Variants in PLPP1 observed in about 807,000 individuals in gnomAD.
The protein encoded by PLPP1 is phospholipid phosphatase 1.
PLPP1 carries 24 observed loss-of-function variants against 31.2 expected under a neutral mutation model. The observed-to-expected ratio is 0.77, with a 90% CI of 0.56 to 1.08. The LOEUF (loss-of-function observed/expected upper bound fraction) is 1.08, where lower values mean the gene tolerates loss of function less well. Ranked by LOEUF, PLPP1 falls within the 50% of genes least tolerant of loss-of-function variation. The pLI is 0.00. For synonymous variants in PLPP1, 146 were observed against 126.3 expected, an observed-to-expected ratio of 1.16 and a Z score of -1.05; for missense variants, 319 against 342.7, an observed-to-expected ratio of 0.93 and a Z score of 0.55.
At chr5:55,519,869 T>A (rs1753628161) in intron 1 of PLPP1, among the ~76,000 whole-genome samples, 1 of 152,240 alleles carries the variant, frequency 6.6e-6, no homozygotes, top group African/African-American at 2.4e-5. Context: ...CTCAGAATAC[T>A]ATAAATGACT....
intron 2 of PLPP1, among the ~76,000 whole-genome samples, chr5:55,470,564 G>A (rs1182095516): frequency 2.6e-5 from 4 of 152,190 alleles, no homozygotes; most frequent in Admixed American, 2.0e-4. Flanking sequence ...TGGGAATGCA[G>A]GGGAGTCTCT....
intron 4 of PLPP1, among the ~76,000 whole-genome samples, chr5:55,426,785 C>G (rs2111653238): frequency 6.6e-6 from 1 of 152,222 alleles, no homozygotes; most frequent in African/African-American, 2.4e-5. Context: ...CTGGGCCTAT[C>G]TAGGGACTAT....
At chr5:55,439,358 G>T (rs1462174922) in intron 4 of PLPP1, among the ~76,000 whole-genome samples, 4 of 152,030 alleles carry the variant, frequency 2.6e-5, no homozygotes, top group African/African-American at 9.7e-5. Context: ...AACCAATCCG[G>T]CAGTTTCTGC....
chr5:55,512,497 A>G (rs1240426857), intron 1 of PLPP1, among the ~76,000 whole-genome samples: 124 of 10,658 alleles, frequency 0.012, 5 homozygotes, highest in African/African-American at 0.026. Context: ...AGAAAGAAAG[A>G]AAAGAAAAGA....
rs758449423 is a variant in PLPP1 at position 55,467,858 on chromosome 5, T to A, written c.491+11A>T. 6.2e-7 allele frequency: 1 copy of A among 1,602,140 alleles called. No homozygotes were observed. Among genetic ancestry groups the A allele is most frequent in the Admixed American group, 1.7e-5 (1 of 58,476 alleles). On this transcript the variant is annotated intron_variant, in intron 3 of 5. Transcript: ENST00000307259. ...ACAAGATTAAACAAGCATTAGCGAT[T>A]TAACACTCACCTGCCTTCCTTAACT...
chr5:55,448,200 G>A (rs185952869), intron 3 of PLPP1, among the ~76,000 whole-genome samples: 5 of 152,268 alleles, frequency 3.3e-5, no homozygotes, highest in African/African-American at 1.2e-4. Flanking sequence ...ATTTGGCAAT[G>A]AGATATCAGA....
At position 55,425,039 on chromosome 5, in the gene PLPP1, T is replaced by C; in HGVS notation, c.*167A>G. On this transcript the variant is annotated 3_prime_UTR_variant, in exon 6 of 6. Transcript: ENST00000307259. ...GAGTTTAGAGCTATTAGATAACCAC[T>C]GAGTTAAAGGTAACTATGTACACAC... The C allele has an allele frequency of 1.1e-6, 1 of 939,864 alleles. No homozygotes were observed. The highest frequency in any genetic ancestry group is 1.8e-5 in the South Asian group (1 of 57,090). The allele number at this position is 939,864 out of a possible 1,614,324, so 58.2% of individuals were successfully genotyped here.
chr5:55,483,281 G>C (rs1752707379), intron 1 of PLPP1, among the ~76,000 whole-genome samples: 1 of 152,208 alleles, frequency 6.6e-6, no homozygotes, highest in South Asian at 2.1e-4. Flanking sequence ...ATTAATCAAT[G>C]CCAGAAAAAT....
Position 55,534,507 on chromosome 5 carries a change from G to A in PLPP1, c.58+65C>T, listed in dbSNP as rs558352914. On this transcript the variant is annotated intron_variant, in intron 1 of 5. Transcript: ENST00000307259. The stretch of plus-strand genomic sequence containing the variant: ...CAACACACCCCCGCTGCCCGTCGCG[G>A]CTCTGCGCTAAAGCCCTCCCGGGAC... 5.5e-6 allele frequency: 8 copies of A among 1,456,328 alleles called. No homozygotes were observed. The East Asian group carries it at 1.2e-4, about 21-fold the overall frequency. 90.2% of individuals were successfully genotyped at this position (1,456,328 alleles called of 1,614,324 possible). A position where few individuals can be genotyped will look rare whatever the true frequency, so the allele number is the denominator to read the frequency against.
At position 55,479,117 on chromosome 5, in the gene PLPP1, C is replaced by T. The variant is rs529625446; in HGVS notation, c.59-3667G>A. On this transcript the variant is annotated intron_variant, in intron 1 of 5. Coordinates refer to ENST00000307259, the MANE Select transcript of PLPP1 (RefSeq NM_003711.4). ...TCGGCTCACTGCAACCTCCACCTTC[C>T]GGGTTCAAGCGATTCTCCTGCCTCA... 3.9e-3 allele frequency among the ~76,000 whole-genome samples: 595 copies of T among 151,646 alleles called. 5 individuals are homozygous for T. Among genetic ancestry groups the T allele is most frequent in the African/African-American group, 0.014 (563 of 41,326 alleles).
At chr5:55,437,009 G>T (rs1751507648) in intron 4 of PLPP1, among the ~76,000 whole-genome samples, 1 of 152,154 alleles carries the variant, frequency 6.6e-6, no homozygotes, top group Non-Finnish European at 1.5e-5. Context: ...CACTGTGTGA[G>T]GACATTCTAC....
intron 1 of PLPP1, among the ~76,000 whole-genome samples, chr5:55,477,083 C>CT (rs1752566746): frequency 6.6e-6 from 1 of 151,290 alleles, no homozygotes; most frequent in African/African-American, 2.4e-5. Flanking sequence ...CTAACTGACA[C>CT]TTATACTGGC....
At chr5:55,446,832 G>A (rs142461988) in intron 3 of PLPP1, among the ~76,000 whole-genome samples, 2 of 152,144 alleles carry the variant, frequency 1.3e-5, no homozygotes, top group South Asian at 2.1e-4. Flanking sequence ...CACTCTTCGG[G>A]AGTTCTCACA....
chr5:55,530,176 ATTC>A, intron 1 of PLPP1: 1 of 1,313,670 alleles, frequency 7.6e-7, no homozygotes, highest in South Asian at 1.2e-5. Context: ...ACTTGAAATG[ATTC>A]TTCAACAGCA....
intron 4 of PLPP1, among the ~76,000 whole-genome samples, chr5:55,433,772 C>A (rs1331809132): frequency 6.6e-6 from 1 of 151,594 alleles, no homozygotes; most frequent in Non-Finnish European, 1.5e-5. Flanking sequence ...GCTGGGATTA[C>A]AGGCGTGAGG....
intron 3 of PLPP1, among the ~76,000 whole-genome samples, chr5:55,465,105 G>A (rs1336713925): frequency 1.3e-5 from 2 of 150,676 alleles, no homozygotes; most frequent in East Asian, 1.9e-4. Context: ...GTGCAGTGGC[G>A]CAATCTCTGC....
intron 1 of PLPP1, among the ~76,000 whole-genome samples, chr5:55,498,845 C>T (rs1459975194): frequency 1.3e-5 from 2 of 152,194 alleles, no homozygotes; most frequent in Non-Finnish European, 2.9e-5. Context: ...TGAATATACC[C>T]ATGTTAACTG....
At chr5:55,509,812 T>C (rs538361824) in intron 1 of PLPP1, among the ~76,000 whole-genome samples, 1 of 152,296 alleles carries the variant, frequency 6.6e-6, no homozygotes, top group South Asian at 2.1e-4. Flanking sequence ...CACCTGTTGT[T>C]CCCTTCCCAG....
intron 1 of PLPP1, among the ~76,000 whole-genome samples, chr5:55,505,573 A>G (rs977835620): frequency 2.0e-5 from 3 of 151,588 alleles, no homozygotes; most frequent in South Asian, 2.1e-4. Context: ...TGTAACGGAG[A>G]AAAAAAAAGG....
Sources: gnomAD v4.1 joint callset for allele counts (sites outside exome capture counted in the v4.1 genomes callset) on GRCh38, gnomAD v4.1.1 for gene constraint, MANE v1.5 for transcripts, NCBI Gene and HGNC (gene_info 2026-07-23, HGNC 2026-07-21) for gene names.